Variants in USF3 observed in about 807,000 individuals in gnomAD.
The protein encoded by USF3 is upstream transcription factor family member 3, also known as basic helix-loop-helix domain-containing protein USF3.
In USF3, 29 loss-of-function variants were observed where a neutral mutation model predicts 157.5. The observed-to-expected ratio is 0.18, with a 90% CI of 0.14 to 0.25. USF3 has a LOEUF of 0.25. Ranked by LOEUF, USF3 falls within the 10% of genes least tolerant of loss-of-function variation. USF3 has a pLI of 1.00. For missense variants in USF3, 2,381 were observed against 2,667.6 expected (o/e 0.89, Z 2.37); for synonymous variants, 893 against 941.4 (o/e 0.95, Z 0.94).
chr3:113,677,604 A>AAGATGGTAGTCTTAAGCC (rs1449004143), intron 1 of USF3, among the ~76,000 whole-genome samples: 1 of 152,196 alleles, frequency 6.6e-6, no homozygotes, highest in Non-Finnish European at 1.5e-5. Context: ...CATCCCGACA[A>AAGATGGTAGTCTTAAGCC]AGATGGTAGT....
intron 3 of USF3, among the ~76,000 whole-genome samples, chr3:113,674,524 G>A (rs1483168943): frequency 6.6e-6 from 1 of 152,068 alleles, no homozygotes; most frequent in Non-Finnish European, 1.5e-5. Flanking sequence ...TGTATTTTTA[G>A]TAGAGATGGG....
At chr3:113,678,970 G>C (rs1431354151) in intron 1 of USF3, among the ~76,000 whole-genome samples, 1 of 150,580 alleles carries the variant, frequency 6.6e-6, no homozygotes, top group Non-Finnish European at 1.5e-5. Flanking sequence ...TGGTCTCTCT[G>C]TCTTAGAGAT....
intron 1 of USF3, among the ~76,000 whole-genome samples, chr3:113,680,465 T>C (rs1033695870): frequency 6.6e-6 from 1 of 152,172 alleles, no homozygotes; most frequent in East Asian, 1.9e-4. Flanking sequence ...TTTTATTTTA[T>C]TTGGGTCTCC....
chr3:113,672,716 T>C (rs1212580399), intron 4 of USF3, among the ~76,000 whole-genome samples: 1 of 152,182 alleles, frequency 6.6e-6, no homozygotes, highest in Non-Finnish European at 1.5e-5. Context: ...CCCACCAGTG[T>C]TCAACATACT....
chr3:113,689,243 G>A (rs906772070), intron 1 of USF3, among the ~76,000 whole-genome samples: 2 of 152,068 alleles, frequency 1.3e-5, no homozygotes, highest in African/African-American at 2.4e-5. Context: ...TTTAAAACTG[G>A]GAGAGTTTCA....
intron 6 of USF3, 43 bp from the exon 7 acceptor site, chr3:113,661,468 C>T: frequency 8.7e-7 from 1 of 1,144,872 alleles, no homozygotes; most frequent in East Asian, 2.4e-5. Context: ...CTGAGAATGT[C>T]AGTATTTACA....
chr3:113,659,528 T>C lies in USF3; in HGVS notation c.2154A>G (p.Ile718Met), dbSNP rs758286210. 3 of 1,614,226 alleles carry C rather than the reference T, an allele frequency of 1.9e-6. No individual in the cohort carries two copies. Among genetic ancestry groups the C allele is most frequent in the South Asian group, 1.1e-5 (1 of 91,090 alleles). ...CACAGCTTTGCCCAGCCATCTGTGA[T>C]ATGCTTTGATTGAGGCTGGCCAAAG... ...FGALASLNQS[I>M]SQMAGQSCVQ... is the part of the protein sequence containing the mutation. The change falls in exon 7 of 7, where the codon ATA becomes ATG. Residue 718 changes from isoleucine to methionine, a missense_variant. Around this residue, in one of 6 missense-constraint regions of USF3, gnomAD observed 1,435 missense variants for 1,550.9 expected, o/e 0.93. Transcript: ENST00000316407.
chr3:113,655,774 C>A lies in USF3; in HGVS notation c.5908G>T (p.Ala1970Ser). The A allele has an allele frequency of 6.2e-7, 1 of 1,614,112 alleles. No homozygotes were observed. The highest frequency in any genetic ancestry group is 8.5e-7 in the Non-Finnish European group (1 of 1,180,016). Reference protein sequence around the residue: ...NGDQGPAVRQANSSVPQRSRH... With the variant: ...NGDQGPAVRQSNSSVPQRSRH... ...GATCTCTGGGGAACTGAAGAATTAGCTTGACGTACAGCAGGGCCTTGATCG... is the reference window on the plus strand; with the variant it reads ...GATCTCTGGGGAACTGAAGAATTAGATTGACGTACAGCAGGGCCTTGATCG... Residue 1970 changes from alanine (A) to serine (S), a missense_variant, in exon 7 of 7, where the codon GCT (alanine) becomes TCT (serine). This residue lies in a region of USF3 where 770 missense variants were observed against 824.2 expected (regional missense o/e 0.93). Coordinates refer to ENST00000316407, the MANE Select transcript of USF3 (RefSeq NM_001009899.4).
chr3:113,657,505 C>G lies in USF3; in HGVS notation c.4177G>C (p.Ala1393Pro), dbSNP rs1184580135. The change falls in exon 7 of 7, where the codon GCT becomes CCT. Residue 1393 changes from alanine (A) to proline (P), a missense_variant. By Grantham distance (27) the Ala-to-Pro change is conservative (BLOSUM62 -1). Transcript: ENST00000316407. ...AATCGTGTAAGGCCATCTCCATGAG[C>G]TGGGTTGCTAACAGGCACAACTGAG... Reference protein sequence around the residue: ...SNSVVPVSNPAHGDGLTRLFP... With the variant: ...SNSVVPVSNPPHGDGLTRLFP... 1.2e-6 allele frequency: 2 copies of G among 1,613,988 alleles called. No individual in the cohort carries two copies. The highest frequency in any genetic ancestry group is 1.1e-5 in the South Asian group (1 of 91,090).
chr3:113,657,559 C>G lies in USF3; in HGVS notation c.4123G>C (p.Val1375Leu). ...DTISDQTQMM[V>L]SQIPPNSSNS... ...GAAGAATTAGGAGGGATCTGACTGACCATCATTTGAGTTTGGTCAGAAATG... is the reference window on the plus strand; with the variant it reads ...GAAGAATTAGGAGGGATCTGACTGAGCATCATTTGAGTTTGGTCAGAAATG... Residue 1375 changes from valine to leucine, a missense_variant, in exon 7 of 7, where the codon GTC becomes CTC. Physicochemically the swap from Val to Leu is conservative, Grantham distance 32 (BLOSUM62 1). Transcript: ENST00000316407. 1 of 1,614,124 alleles carries G rather than the reference C, an allele frequency of 6.2e-7. No individual in the cohort carries two copies. Among genetic ancestry groups the G allele is most frequent in the Non-Finnish European group, 8.5e-7 (1 of 1,180,020 alleles).
chr3:113,682,350 C>CAA (rs371137226), intron 1 of USF3, among the ~76,000 whole-genome samples: 6 of 137,540 alleles, frequency 4.4e-5, no homozygotes, highest in African/African-American at 8.0e-5. Flanking sequence ...AACAAACAAA[C>CAA]AAAAAAAAAA....
In USF3 at chr3:113,660,277, T is replaced by C. The variant is rs777541217; in HGVS notation, c.1405A>G (p.Asn469Asp). Residue 469 changes from asparagine to aspartate, a missense_variant, in exon 7 of 7, where the codon AAC becomes GAC. Coordinates refer to ENST00000316407, the MANE Select transcript of USF3 (RefSeq NM_001009899.4). ...NESGTSPTTS[N>D]HSRYVATDIN... is the part of the protein sequence containing the mutation. ...TCTGTAGCCACATATCTACTGTGGT[T>C]GCTTGTGGTGGGGCTAGTACCAGAC... 55 of 1,614,072 alleles carry C rather than the reference T, an allele frequency of 3.4e-5. No individual in the cohort carries two copies. The East Asian group carries it at 3.6e-4, about 10-fold the overall frequency.
At chr3:113,692,870 A>G (rs1054639181) in intron 1 of USF3, among the ~76,000 whole-genome samples, 3 of 152,238 alleles carry the variant, frequency 2.0e-5, no homozygotes, top group Non-Finnish European at 4.4e-5. Context: ...CGTTTCTTTT[A>G]GCAAGAGTTC....
chr3:113,676,235 C>T (rs772703069), intron 2 of USF3, among the ~76,000 whole-genome samples: 6 of 152,166 alleles, frequency 3.9e-5, no homozygotes, highest in Non-Finnish European at 8.8e-5. Context: ...TTTCAGGTAT[C>T]CTTATAGCAG....
intron 1 of USF3, among the ~76,000 whole-genome samples, chr3:113,689,322 T>A (rs1707633706): frequency 6.6e-6 from 1 of 152,220 alleles, no homozygotes; most frequent in Non-Finnish European, 1.5e-5. Flanking sequence ...AAGTGCCTGG[T>A]ACATAGCAGG....
chr3:113,670,706 T>C (rs985299729), intron 4 of USF3, among the ~76,000 whole-genome samples: 1 of 152,186 alleles, frequency 6.6e-6, no homozygotes, highest in Non-Finnish European at 1.5e-5. Context: ...GTCTAAGATG[T>C]CATTTTTTAA....
chr3:113,688,837 G>A (rs530638063), intron 1 of USF3, among the ~76,000 whole-genome samples: 1 of 152,172 alleles, frequency 6.6e-6, no homozygotes, highest in East Asian at 1.9e-4. Flanking sequence ...TCAGGAGATT[G>A]AGACCATCCT....
chr3:113,677,569 A>C (rs537974735), intron 1 of USF3, among the ~76,000 whole-genome samples, 172 bp from the exon 2 acceptor site: 1 of 152,174 alleles, frequency 6.6e-6, no homozygotes, highest in African/African-American at 2.4e-5. Context: ...CTCAAAAGTC[A>C]CTTTCCTATT....
At chr3:113,686,901 TA>T (rs1305735959) in intron 1 of USF3, among the ~76,000 whole-genome samples, 1 of 152,200 alleles carries the variant, frequency 6.6e-6, no homozygotes, top group Admixed American at 6.5e-5. Context: ...ACTATTCAAG[TA>T]TTTATTTCTA....
Sources: gnomAD v4.1 joint callset for allele counts (sites outside exome capture counted in the v4.1 genomes callset) on GRCh38, gnomAD v4.1.1 for gene constraint, gnomAD v4.1.1 regional missense constraint, MANE v1.5 for transcripts, NCBI Gene and HGNC (gene_info 2026-07-23, HGNC 2026-07-21) for gene names.